PRKAR2B: variants seen among roughly 807,000 people sequenced by gnomAD.
PRKAR2B encodes cAMP-dependent protein kinase type II-beta regulatory subunit.
PRKAR2B carries 14 observed loss-of-function variants against 49.9 expected under a neutral mutation model. The observed-to-expected ratio is 0.28, with a 90% CI of 0.19 to 0.44. The LOEUF (loss-of-function observed/expected upper bound fraction) is 0.44, where lower values mean the gene tolerates loss of function less well. Ranked by LOEUF, PRKAR2B falls within the 20% of genes least tolerant of loss-of-function variation. The probability of loss-of-function intolerance (pLI) is 1.00; values close to 1 mark genes in which losing one functional copy is unlikely to be tolerated. For missense variants in PRKAR2B, 393 were observed against 537.9 expected (o/e 0.73, Z 2.67); for synonymous variants, 196 against 197.7 (o/e 0.99, Z 0.07).
chr7:107,072,815 C>T (rs1264531684), intron 2 of PRKAR2B, among the ~76,000 whole-genome samples: 3 of 152,078 alleles, frequency 2.0e-5, no homozygotes, highest in Non-Finnish European at 4.4e-5. Context: ...GATACCTTTT[C>T]TGATTGAGTT....
At chr7:107,144,168 A>C (rs1409797223) in intron 5 of PRKAR2B, among the ~76,000 whole-genome samples, 1 of 150,926 alleles carries the variant, frequency 6.6e-6, no homozygotes, top group Non-Finnish European at 1.5e-5. Flanking sequence ...CACTGCACCC[A>C]CTGTCCTCCT....
At chr7:107,090,608 T>C (rs1278836490) in intron 2 of PRKAR2B, among the ~76,000 whole-genome samples, 1 of 152,232 alleles carries the variant, frequency 6.6e-6, no homozygotes, top group Non-Finnish European at 1.5e-5. Flanking sequence ...CCAAAGGCAG[T>C]GTCTCTGTTG....
chr7:107,053,560 G>GTA (rs1793851670), intron 1 of PRKAR2B, among the ~76,000 whole-genome samples: 2 of 151,342 alleles, frequency 1.3e-5, no homozygotes, highest in Non-Finnish European at 3.0e-5. Context: ...GTGTGTGTGT[G>GTA]TGTGTGTGTC....
chr7:107,121,915 G>T, intron 2 of PRKAR2B, 37 bp from the exon 3 acceptor site: 1 of 1,385,526 alleles, frequency 7.2e-7, no homozygotes, highest in South Asian at 1.3e-5. Context: ...GGTTTTTGAT[G>T]AAACAATCTT....
intron 1 of PRKAR2B, among the ~76,000 whole-genome samples, chr7:107,062,105 AG>A (rs1424323374): frequency 6.6e-6 from 1 of 152,180 alleles, no homozygotes; most frequent in Non-Finnish European, 1.5e-5. Flanking sequence ...ATAAACACTT[AG>A]GAAAACTGTG....
chr7:107,120,998 ATAT>A (rs932073805), intron 2 of PRKAR2B, among the ~76,000 whole-genome samples: 4 of 150,762 alleles, frequency 2.7e-5, no homozygotes, highest in East Asian at 1.9e-4. Flanking sequence ...ATTTTTTTAA[ATAT>A]TATTAAATTC....
At chr7:107,133,296 A>T (rs1207771110) in intron 4 of PRKAR2B, among the ~76,000 whole-genome samples, 1 of 152,238 alleles carries the variant, frequency 6.6e-6, no homozygotes. Flanking sequence ...CTTCAGTTTT[A>T]TAATGTTTTC....
At position 107,150,815 on chromosome 7, in the gene PRKAR2B, T is replaced by C. The variant is rs1368168758; in HGVS notation, c.742-107T>C. ...TGCATTAAAAGTATAATGATGTTAA[T>C]CTTTTATTTCAGAATCTTCAATCAT... On this transcript the variant is annotated intron_variant, in intron 6 of 10. Transcript: ENST00000265717. 7 of 605,474 alleles carry C rather than the reference T, an allele frequency of 1.2e-5. No homozygotes were observed. In the African/African-American group the frequency reaches 1.2e-4, roughly 10 times the overall value. The allele number at this position is 605,474 out of a possible 1,614,324, so 37.5% of individuals were successfully genotyped here. A position where few individuals can be genotyped will look rare whatever the true frequency, so the allele number is the denominator to read the frequency against.
chr7:107,057,306 A>G (rs1793935046), intron 1 of PRKAR2B, among the ~76,000 whole-genome samples: 1 of 151,458 alleles, frequency 6.6e-6, no homozygotes, highest in African/African-American at 2.4e-5. Context: ...ATTTTATCCT[A>G]AACTGAATGT....
At chr7:107,073,668 C>T (rs558711709) in intron 2 of PRKAR2B, among the ~76,000 whole-genome samples, 55 of 152,210 alleles carry the variant, frequency 3.6e-4, no homozygotes, top group Admixed American at 3.3e-4. Context: ...TTAAACAGTA[C>T]CTCATGGTCC....
chr7:107,069,349 T>C (rs1001145553), intron 1 of PRKAR2B, among the ~76,000 whole-genome samples: 2 of 152,230 alleles, frequency 1.3e-5, no homozygotes, highest in African/African-American at 4.8e-5. Context: ...AGTGCAATCA[T>C]ACTGCTGATA....
intron 2 of PRKAR2B, among the ~76,000 whole-genome samples, chr7:107,088,619 C>G (rs1406585784): frequency 2.6e-5 from 4 of 151,974 alleles, no homozygotes; most frequent in African/African-American, 9.7e-5. Flanking sequence ...TATTTTATTT[C>G]GAGACACTCT....
At chr7:107,108,452 C>T (rs924734907) in intron 2 of PRKAR2B, among the ~76,000 whole-genome samples, 3 of 152,154 alleles carry the variant, frequency 2.0e-5, no homozygotes, top group South Asian at 2.1e-4. Context: ...ACATGGCAGG[C>T]GTGCTCCTGT....
At chr7:107,119,467 ATACAAATTATG>A (rs1304674856) in intron 2 of PRKAR2B, among the ~76,000 whole-genome samples, 1 of 152,200 alleles carries the variant, frequency 6.6e-6, no homozygotes, top group Non-Finnish European at 1.5e-5. Flanking sequence ...GCACTGGGCC[ATACAAATTATG>A]TAGCATTCCT....
chr7:107,065,315 T>G (rs1053275451), intron 1 of PRKAR2B, among the ~76,000 whole-genome samples: 23 of 59,142 alleles, frequency 3.9e-4, no homozygotes, highest in African/African-American at 2.7e-3. Flanking sequence ...TTGCTCGGGG[T>G]GTGTGTATGT....
At position 107,045,113 on chromosome 7, in the gene PRKAR2B, C is replaced by A; in HGVS notation, c.206C>A (p.Thr69Asn). The A allele has an allele frequency of 6.6e-7, 1 of 1,525,336 alleles. No individual in the cohort carries two copies. Among genetic ancestry groups the A allele is most frequent in the Non-Finnish European group, 8.8e-7 (1 of 1,138,938 alleles). 94.5% of individuals were successfully genotyped at this position (1,525,336 alleles called of 1,614,324 possible). A position where few individuals can be genotyped will look rare whatever the true frequency, so the allele number is the denominator to read the frequency against. The change falls in exon 1 of 11, where the codon ACC becomes AAC. Residue 69 changes from threonine (T) to asparagine (N), a missense_variant. Physicochemically the swap from Thr to Asn is moderately conservative, Grantham distance 65. Transcript: ENST00000265717. ...GDLGAAAGGG[T>N]PSKGVNFAEE... ...CTGGGCGCCGCTGCCGGGGGCGGCA[C>A]CCCCAGCAAGGGGGTCAACTTCGCC...
chr7:107,097,400 ATC>A (rs1407144627), intron 2 of PRKAR2B, among the ~76,000 whole-genome samples: 1 of 151,964 alleles, frequency 6.6e-6, no homozygotes, highest in Non-Finnish European at 1.5e-5. Flanking sequence ...AGCTATGTGT[ATC>A]TCTGCACGTG....
At chr7:107,142,106 C>T (rs1438626615) in intron 5 of PRKAR2B, among the ~76,000 whole-genome samples, 1 of 152,158 alleles carries the variant, frequency 6.6e-6, no homozygotes, top group Non-Finnish European at 1.5e-5. Context: ...CCTCTCCCAG[C>T]CTGACTTACT....
At chr7:107,130,573 C>A (rs1795588746) in intron 4 of PRKAR2B, among the ~76,000 whole-genome samples, 1 of 152,112 alleles carries the variant, frequency 6.6e-6, no homozygotes, top group South Asian at 2.1e-4. Context: ...GTTACAGTCT[C>A]ATGGTATGAA....
Sources: gnomAD v4.1 joint callset for allele counts (sites outside exome capture counted in the v4.1 genomes callset) on GRCh38, gnomAD v4.1.1 for gene constraint, MANE v1.5 for transcripts, NCBI Gene and HGNC (gene_info 2026-07-23, HGNC 2026-07-21) for gene names.